The following MANSC4 variants were observed in gnomAD, a reference collection of about 807,000 sequenced individuals.
MANSC4 encodes MANSC domain-containing protein 4.
MANSC4 carries 11 observed loss-of-function variants against 11.4 expected under a neutral mutation model. The observed-to-expected ratio is 0.97, with a 90% CI of 0.61 to 1.60. The LOEUF is 1.60. MANSC4 is among the 40% of genes most tolerant of loss of function. The pLI is 0.00. For missense variants in MANSC4, 354 were observed against 404.6 expected (o/e 0.88, Z 1.07); for synonymous variants, 123 against 147.1 (o/e 0.84, Z 1.19).
intron 3 of MANSC4, among the ~76,000 whole-genome samples, chr12:27,764,856 T>A (rs1158515131): frequency 6.6e-6 from 1 of 152,188 alleles, no homozygotes; most frequent in Non-Finnish European, 1.5e-5. Flanking sequence ...TAAGGTGATT[T>A]TTTTTTAAGA....
At chr12:27,770,744 T>C (rs2062097013) in intron 2 of MANSC4, among the ~76,000 whole-genome samples, 2 of 152,308 alleles carry the variant, frequency 1.3e-5, no homozygotes, top group South Asian at 4.1e-4. Flanking sequence ...TGTAAAAATA[T>C]TGTAAATTAA....
chr12:27,767,402 T>C (rs2062076891), intron 2 of MANSC4, among the ~76,000 whole-genome samples: 2 of 152,100 alleles, frequency 1.3e-5, no homozygotes. Flanking sequence ...AAAGTTAGAT[T>C]AGCTACAAAA....
rs577424041 is a variant in MANSC4 at position 27,778,598 on chromosome 12, G to A, written c.-307+1612C>T. ...AAAACCAAACACATATTCTCTCCAA[G>A]TTAAGGACTGTTTATCATAGGTGGT... On this transcript the variant is annotated intron_variant, in intron 1 of 3. Coordinates refer to ENST00000381273, the MANE Select transcript of MANSC4 (RefSeq NM_001146221.5). Among the ~76,000 whole-genome samples, 7 of 151,846 alleles carry A rather than the reference G, an allele frequency of 4.6e-5. 1 individual carries two copies. The highest frequency in any genetic ancestry group is 3.9e-4 in the East Asian group (2 of 5,182).
chr12:27,766,287 C>T (rs961893212), intron 3 of MANSC4, among the ~76,000 whole-genome samples: 10 of 152,118 alleles, frequency 6.6e-5, no homozygotes, highest in Non-Finnish European at 1.0e-4. Context: ...AGGATGTTCT[C>T]GATCTCTTGA....
At chr12:27,775,575 A>C (rs922524779) in intron 1 of MANSC4, among the ~76,000 whole-genome samples, 9 of 152,032 alleles carry the variant, frequency 5.9e-5, no homozygotes, top group Non-Finnish European at 1.2e-4. Context: ...TTTATTTTTA[A>C]ATTTTTTTGT....
intron 2 of MANSC4, among the ~76,000 whole-genome samples, chr12:27,769,175 A>C (rs2062088767): frequency 1.3e-5 from 2 of 152,256 alleles, no homozygotes; most frequent in Non-Finnish European, 2.9e-5. Context: ...ACACATTACA[A>C]ACACATTCCC....
Position 27,769,684 on chromosome 12 carries a change from C to G in MANSC4, c.229+1364G>C, listed in dbSNP as rs1353905412. On this transcript the variant is annotated intron_variant, in intron 2 of 3. Coordinates refer to ENST00000381273, the MANE Select transcript of MANSC4 (RefSeq NM_001146221.5). ...CTTATTAAATTAATTATTGTAGCTC[C>G]AATTTTCATCTCAAAAATCTTACAT... Among the ~76,000 whole-genome samples the G allele has an allele frequency of 2.6e-5, 4 of 152,236 alleles. 1 individual carries two copies. The highest frequency in any genetic ancestry group is 6.8e-3 in the Middle Eastern group (2 of 294).
At chr12:27,767,574 A>G (rs1309301186) in intron 2 of MANSC4, among the ~76,000 whole-genome samples, 1 of 152,068 alleles carries the variant, frequency 6.6e-6, no homozygotes, top group Non-Finnish European at 1.5e-5. Flanking sequence ...GTGGTGGCGC[A>G]TTCCTGTAAT....
intron 3 of MANSC4, among the ~76,000 whole-genome samples, chr12:27,764,512 C>A (rs1259059012): frequency 6.6e-6 from 1 of 152,112 alleles, no homozygotes; most frequent in Non-Finnish European, 1.5e-5. Flanking sequence ...TTTGCTGGTT[C>A]TCTTGTACAA....
At chr12:27,766,331 G>T (rs530674534) in intron 3 of MANSC4, among the ~76,000 whole-genome samples, 2 of 152,322 alleles carry the variant, frequency 1.3e-5, no homozygotes, top group South Asian at 4.1e-4. Context: ...CTCCCAAAGT[G>T]CTGGGATTAC....
chr12:27,777,475 C>G (rs1565479315), intron 1 of MANSC4, among the ~76,000 whole-genome samples: 1 of 152,220 alleles, frequency 6.6e-6, no homozygotes, highest in African/African-American at 2.4e-5. Context: ...ATGTTACACT[C>G]TACCATCCCA....
chr12:27,775,760 C>T (rs1565479069), intron 1 of MANSC4, among the ~76,000 whole-genome samples: 1 of 147,688 alleles, frequency 6.8e-6, no homozygotes, highest in Non-Finnish European at 1.5e-5. Context: ...ATATGCTGTT[C>T]CAAAATCTGT....
In MANSC4 at chr12:27,763,203, T is replaced by A; in HGVS notation, c.558A>T (p.Thr186=). Residue 186 remains threonine, a synonymous_variant, in exon 4 of 4, where the codon ACA becomes ACT. Coordinates refer to ENST00000381273, the MANE Select transcript of MANSC4 (RefSeq NM_001146221.5). ...STTHQDLVVN[T]NSTSYSKELT... is the part of the protein sequence containing the mutation. ...ATTCCTTAGAATAACTGGTACTGTT[T>A]GTGTTTACAACCAAATCTTGATGCG... 6.4e-7 allele frequency: 1 copy of A among 1,551,720 alleles called. No homozygotes were observed. The highest frequency in any genetic ancestry group is 8.7e-7 in the Non-Finnish European group (1 of 1,147,016).
Position 27,778,321 on chromosome 12 carries a change from A to C in MANSC4, c.-307+1889T>G, listed in dbSNP as rs147100463. On this transcript the variant is annotated intron_variant, in intron 1 of 3. Coordinates refer to ENST00000381273, the MANE Select transcript of MANSC4 (RefSeq NM_001146221.5). The stretch of plus-strand genomic sequence containing the variant: ...ATAAACAAAGTAAAAGATGACAACA[A>C]CACCTCTCTGTGAAGCAGATAAATT... Among the ~76,000 whole-genome samples, 592 of 152,242 alleles carry C rather than the reference A, an allele frequency of 3.9e-3. 23 individuals are homozygous for C. The East Asian group carries it at 0.096, about 25-fold the overall frequency.
chr12:27,766,685 A>G lies in MANSC4; in HGVS notation c.344T>C (p.Ile115Thr), dbSNP rs752165372. Residue 115 changes from isoleucine (I) to threonine (T), a missense_variant, in exon 3 of 4, where the codon ATT (isoleucine) becomes ACT (threonine). Physicochemically the swap from Ile to Thr is moderately conservative, Grantham distance 89. Coordinates refer to ENST00000381273, the MANE Select transcript of MANSC4 (RefSeq NM_001146221.5). ...SCILEPGTSA[I>T]LYNITDGIDP... The stretch of plus-strand genomic sequence containing the variant: ...ATTACCGTCTGTTATGTTGTACAAA[A>G]TGGCACTGGTTCCAGGCTCTAATAT... The G allele has an allele frequency of 4.6e-5, 71 of 1,551,290 alleles. No homozygotes were observed. Among genetic ancestry groups the G allele is most frequent in the Non-Finnish European group, 5.8e-5 (67 of 1,146,952 alleles).
intron 3 of MANSC4, among the ~76,000 whole-genome samples, chr12:27,765,699 G>A (rs1456392078): frequency 1.3e-5 from 2 of 152,172 alleles, no homozygotes; most frequent in African/African-American, 4.8e-5. Flanking sequence ...GATTATAAAG[G>A]AAATTGAGAG....
chr12:27,780,233 A>G lies in MANSC4; in HGVS notation c.-330T>C. On this transcript the variant is annotated 5_prime_UTR_variant, in exon 1 of 4. It removes an upstream start codon present in the reference 5' UTR. Transcript: ENST00000381273. The surrounding 1 kb of genome is among the most constrained non-coding windows in gnomAD (Gnocchi z 8.8). ...ACCTCGCCGCTCCTCCCGGGCCGCC[A>G]TCCCTCGGCGCCCCGCCCGGAACCG... 2 of 1,192,510 alleles carry G rather than the reference A, an allele frequency of 1.7e-6. No homozygotes were observed. The highest frequency in any genetic ancestry group is 2.2e-6 in the Non-Finnish European group (2 of 925,096). 73.9% of individuals were successfully genotyped at this position (1,192,510 alleles called of 1,614,324 possible). A position where few individuals can be genotyped will look rare whatever the true frequency, so the allele number is the denominator to read the frequency against.
intron 2 of MANSC4, among the ~76,000 whole-genome samples, chr12:27,770,647 C>T (rs559662178): frequency 1.4e-3 from 218 of 151,616 alleles, no homozygotes; most frequent in Non-Finnish European, 2.7e-3. Flanking sequence ...GAGACCAGCC[C>T]GGGCAACATA....
intron 2 of MANSC4, among the ~76,000 whole-genome samples, chr12:27,769,154 G>A (rs983515084): frequency 4.6e-5 from 7 of 152,150 alleles, no homozygotes; most frequent in African/African-American, 1.4e-4. Flanking sequence ...ATAATACATT[G>A]CTAATACATT....
Sources: gnomAD v4.1 joint callset for allele counts (sites outside exome capture counted in the v4.1 genomes callset) on GRCh38, gnomAD v4.1.1 for gene constraint, Gnocchi (gnomAD v3.1) non-coding constraint, MANE v1.5 for transcripts, NCBI Gene and HGNC (gene_info 2026-07-23, HGNC 2026-07-21) for gene names.